TTLL5: variants seen among roughly 807,000 people sequenced by gnomAD.
TTLL5 encodes the protein tubulin polyglutamylase TTLL5.
TTLL5 carries 132 observed loss-of-function variants against 168.4 expected under a neutral mutation model. That is an observed-to-expected ratio of 0.78 (90% CI 0.68 to 0.91). The LOEUF is 0.91. Among genes scored for constraint, TTLL5 ranks in the 40% least tolerant of loss-of-function variants. The probability of loss-of-function intolerance (pLI) is 0.00; values close to 1 mark genes in which losing one functional copy is unlikely to be tolerated. For synonymous variants in TTLL5, 546 were observed against 558.6 expected (o/e 0.98, Z 0.32); for missense variants, 1,545 against 1,581.5 (o/e 0.98, Z 0.39).
chr14:75,887,354 A>G (rs1254301085), intron 30 of TTLL5: 2 of 982,054 alleles, frequency 2.0e-6, no homozygotes, highest in African/African-American at 3.5e-5. Flanking sequence ...TTTAAGGGCA[A>G]AGTAATTAGG....
intron 27 of TTLL5, among the ~76,000 whole-genome samples, chr14:75,813,248 T>C (rs1220143293): frequency 6.8e-6 from 1 of 147,376 alleles, no homozygotes; most frequent in Non-Finnish European, 1.5e-5. Context: ...CTTGCTCTAT[T>C]ATCCAGGCAC....
At chr14:75,840,998 A>G (rs1261412693) in intron 28 of TTLL5, among the ~76,000 whole-genome samples, 1 of 152,228 alleles carries the variant, frequency 6.6e-6, no homozygotes, top group Non-Finnish European at 1.5e-5. Context: ...GGTATGTCAC[A>G]TGGCAAGAGC....
chr14:75,889,936 AAGGG>A (rs568262698), intron 30 of TTLL5, among the ~76,000 whole-genome samples: 11 of 142,846 alleles, frequency 7.7e-5, no homozygotes, highest in East Asian at 2.3e-4. Context: ...AGAAGGAAGG[AAGGG>A]AGGGAGGGAG....
chr14:75,720,164 A>T (rs1403229533), intron 11 of TTLL5, among the ~76,000 whole-genome samples: 1 of 152,204 alleles, frequency 6.6e-6, no homozygotes, highest in Non-Finnish European at 1.5e-5. Context: ...GAGTTTTCTA[A>T]GTTAATCTCT....
chr14:75,870,107 C>T (rs1449515592), intron 29 of TTLL5, among the ~76,000 whole-genome samples: 1 of 152,072 alleles, frequency 6.6e-6, no homozygotes. Flanking sequence ...GCGTGAGCCA[C>T]CATACCCAGC....
At chr14:75,725,054 A>AGAACT (rs1888104055) in intron 12 of TTLL5, among the ~76,000 whole-genome samples, 1 of 152,218 alleles carries the variant, frequency 6.6e-6, no homozygotes, top group Admixed American at 6.5e-5. Context: ...AGCCACTTGT[A>AGAACT]GAACTGATCA....
chr14:75,905,156 C>T (rs1390460689), intron 31 of TTLL5, among the ~76,000 whole-genome samples: 1 of 152,180 alleles, frequency 6.6e-6, no homozygotes, highest in Non-Finnish European at 1.5e-5. Flanking sequence ...AAGTTTACAC[C>T]TCTCCCTGAG....
intron 31 of TTLL5, among the ~76,000 whole-genome samples, chr14:75,906,891 G>A (rs1178490665): frequency 2.6e-5 from 4 of 152,182 alleles, no homozygotes; most frequent in African/African-American, 4.8e-5. Context: ...AGTAGGTGGC[G>A]CTGTGGCAGT....
chr14:75,864,359 G>A (rs1179753584), intron 29 of TTLL5, among the ~76,000 whole-genome samples: 1 of 152,142 alleles, frequency 6.6e-6, no homozygotes, highest in Non-Finnish European at 1.5e-5. Context: ...TAGCATGCAG[G>A]TCATCTATAA....
chr14:75,898,031 G>T (rs758940495), intron 30 of TTLL5, among the ~76,000 whole-genome samples: 15 of 152,094 alleles, frequency 9.9e-5, no homozygotes, highest in Admixed American at 5.2e-4. Context: ...CATCTTTTCA[G>T]TATTTCTCAC....
intron 31 of TTLL5, among the ~76,000 whole-genome samples, chr14:75,913,027 C>A (rs183431931): frequency 1.6e-4 from 25 of 152,298 alleles, no homozygotes; most frequent in Admixed American, 1.2e-3. Flanking sequence ...AATATAACTT[C>A]TCTCAATTGA....
chr14:75,892,817 T>C (rs1389087892), intron 30 of TTLL5, among the ~76,000 whole-genome samples: 1 of 152,194 alleles, frequency 6.6e-6, no homozygotes, highest in African/African-American at 2.4e-5. Context: ...CAACTGTTCC[T>C]GTCTCAAAAC....
rs1267909949 is a variant in TTLL5, at chr14:75,759,284, AATTCTTTGTGG to A, written c.1551-5330_1551-5320del. Among the ~76,000 whole-genome samples, 13 of 152,278 alleles carry A rather than the reference AATTCTTTGTGG, an allele frequency of 8.5e-5. No homozygotes were observed. The East Asian group carries it at 2.5e-3, about 29-fold the overall frequency. ...ACTTTGACAGCTTAGTTGAAATGAC[AATTCTTTGTGG>A]TGGTGGGAAAGTTGGGGGCAACACC... On this transcript the variant is annotated intron_variant, in intron 18 of 31. Coordinates refer to ENST00000298832, the MANE Select transcript of TTLL5 (RefSeq NM_015072.5).
chr14:75,776,702 C>T, intron 22 of TTLL5, 45 bp from the exon 23 acceptor site: 1 of 1,410,932 alleles, frequency 7.1e-7, no homozygotes, highest in Non-Finnish European at 9.9e-7. Context: ...TATTAGGAGT[C>T]AGTTTTATCT....
At chr14:75,697,931 C>T (rs1358887107) in intron 6 of TTLL5, among the ~76,000 whole-genome samples, 3 of 152,220 alleles carry the variant, frequency 2.0e-5, no homozygotes, top group Non-Finnish European at 2.9e-5. Context: ...TGCTCAGAAA[C>T]ATTTGCATTT....
intron 4 of TTLL5, among the ~76,000 whole-genome samples, chr14:75,683,168 G>T (rs924053499): frequency 2.0e-5 from 3 of 152,170 alleles, no homozygotes; most frequent in Non-Finnish European, 4.4e-5. Flanking sequence ...ATGGACAAAA[G>T]AATTTTAATG....
intron 26 of TTLL5, among the ~76,000 whole-genome samples, chr14:75,792,313 G>A (rs1030002503): frequency 6.6e-6 from 1 of 151,408 alleles, no homozygotes; most frequent in African/African-American, 2.4e-5. Context: ...CATGGCACAT[G>A]TATACATATG....
chr14:75,720,860 G>GAT (rs1408019243), intron 12 of TTLL5, among the ~76,000 whole-genome samples, 157 bp downstream of exon 12: 1 of 152,288 alleles, frequency 6.6e-6, no homozygotes, highest in East Asian at 1.9e-4. Context: ...AGCCTACTAA[G>GAT]AGGCCAATAG....
intron 23 of TTLL5, among the ~76,000 whole-genome samples, chr14:75,778,872 T>C (rs552753935): frequency 6.6e-6 from 1 of 152,364 alleles, no homozygotes; most frequent in East Asian, 1.9e-4. Flanking sequence ...TTAGAGATGA[T>C]ATACTTTAGT....
Sources: allele counts gnomAD v4.1 joint callset (sites outside exome capture counted in the v4.1 genomes callset), GRCh38; gene constraint gnomAD v4.1.1; transcripts MANE v1.5; gene names NCBI Gene and HGNC (gene_info 2026-07-23, HGNC 2026-07-21).